ITPK1: variants seen among roughly 807,000 people sequenced by gnomAD.
ITPK1 encodes inositol-tetrakisphosphate 1-kinase.
ITPK1 carries 21 observed loss-of-function variants against 45.3 expected under a neutral mutation model. The observed-to-expected ratio is 0.46, with a 90% confidence interval of 0.33 to 0.67. The LOEUF is 0.67. ITPK1 is among the 30% of genes least tolerant of loss of function. The pLI is 0.02. For synonymous variants in ITPK1, 258 were observed against 253.6 expected, an observed-to-expected ratio of 1.02 and a Z score of -0.16; for missense variants, 474 against 573.5, an observed-to-expected ratio of 0.83 and a Z score of 1.77.
intron 5 of ITPK1, 32 bp downstream of exon 5, chr14:92,993,848 T>TA: frequency 7.1e-7 from 1 of 1,415,260 alleles, no homozygotes; most frequent in Non-Finnish European, 1.0e-6. Flanking sequence ...GGTGGCTGCC[T>TA]GCCACGGATG....
intron 5 of ITPK1, among the ~76,000 whole-genome samples, chr14:92,970,786 CCAT>C (rs1331064070): frequency 2.6e-5 from 4 of 152,160 alleles, no homozygotes; most frequent in African/African-American, 9.7e-5. Flanking sequence ...GTACCCACCA[CCAT>C]GTCTGGCTAA....
chr14:93,078,956 G>A (rs1037928828), intron 2 of ITPK1, among the ~76,000 whole-genome samples: 25 of 151,864 alleles, frequency 1.6e-4, no homozygotes, highest in African/African-American at 4.4e-4. Flanking sequence ...GGGAAAGGCC[G>A]GTGACAGAGG....
intron 4 of ITPK1, among the ~76,000 whole-genome samples, chr14:93,007,920 C>T (rs1215178910): frequency 4.6e-5 from 7 of 152,184 alleles, no homozygotes; most frequent in Non-Finnish European, 7.3e-5. Context: ...TTGGGGCCAT[C>T]AAAGAGGGGA....
chr14:92,962,141 C>T (rs1595090276), intron 7 of ITPK1, among the ~76,000 whole-genome samples: 1 of 152,338 alleles, frequency 6.6e-6, no homozygotes, highest in East Asian at 1.9e-4. Context: ...ACAGGACAGG[C>T]ATTGAGGTGA....
At chr14:93,055,412 T>C (rs367947403) in intron 3 of ITPK1, among the ~76,000 whole-genome samples, 116 of 152,200 alleles carry the variant, frequency 7.6e-4, no homozygotes, top group African/African-American at 2.7e-3. Context: ...CCTCAGCCCC[T>C]TACTCTCCTT....
chr14:93,068,509 A>C (rs1595185812), intron 3 of ITPK1: 1 of 152,292 alleles, frequency 6.6e-6, no homozygotes, highest in East Asian at 1.9e-4. Flanking sequence ...CCCCACAGCG[A>C]TTGTTATTCC....
At chr14:93,055,772 G>A (rs756736374) in intron 3 of ITPK1, among the ~76,000 whole-genome samples, 7 of 152,144 alleles carry the variant, frequency 4.6e-5, no homozygotes, top group African/African-American at 7.2e-5. Flanking sequence ...GGTGCCCAGC[G>A]GTCCCTACCA....
At chr14:93,054,569 T>C (rs1165037402) in intron 3 of ITPK1, among the ~76,000 whole-genome samples, 2 of 152,164 alleles carry the variant, frequency 1.3e-5, no homozygotes, top group African/African-American at 2.4e-5. Context: ...GTACAGAACA[T>C]GTACTCCCTT....
At chr14:93,091,489 C>T (rs1891865407) in intron 2 of ITPK1, among the ~76,000 whole-genome samples, 1 of 152,202 alleles carries the variant, frequency 6.6e-6, no homozygotes. Flanking sequence ...ATCTTCAGGG[C>T]CTTTGATATT....
At chr14:93,075,980 C>A (rs997057666) in intron 3 of ITPK1, among the ~76,000 whole-genome samples, 1 of 152,138 alleles carries the variant, frequency 6.6e-6, no homozygotes, top group Non-Finnish European at 1.5e-5. Flanking sequence ...ACAGCCTGCC[C>A]CTCACATAGA....
intron 3 of ITPK1, among the ~76,000 whole-genome samples, chr14:93,039,404 A>G (rs1419482035): frequency 6.6e-6 from 1 of 152,170 alleles, no homozygotes; most frequent in Non-Finnish European, 1.5e-5. Context: ...GCACTTTGGG[A>G]GGCCAAGGCA....
chr14:93,020,141 C>G (rs759221949), intron 3 of ITPK1, among the ~76,000 whole-genome samples: 3 of 152,174 alleles, frequency 2.0e-5, no homozygotes, highest in Non-Finnish European at 4.4e-5. Flanking sequence ...CACTGTTTCC[C>G]TCAGGGACGA....
At chr14:93,044,741 C>T (rs1889709338) in intron 3 of ITPK1, among the ~76,000 whole-genome samples, 1 of 152,342 alleles carries the variant, frequency 6.6e-6, no homozygotes, top group East Asian at 1.9e-4. Flanking sequence ...AGGGTGTGGC[C>T]TCTGTCTATG....
At chr14:92,981,518 C>T (rs753976665) in intron 5 of ITPK1, among the ~76,000 whole-genome samples, 3 of 152,176 alleles carry the variant, frequency 2.0e-5, no homozygotes, top group Admixed American at 6.5e-5. Flanking sequence ...CCTGTGGCCC[C>T]GAGCCCATGA....
In ITPK1 at chr14:92,939,880, G is replaced by C. The variant is rs776246008; in HGVS notation, c.*1681C>G. 41 of 985,738 alleles carry C rather than the reference G, an allele frequency of 4.2e-5. No individual in the cohort carries two copies. Among genetic ancestry groups the C allele is most frequent in the Non-Finnish European group, 1.6e-5 (13 of 829,950 alleles). The allele number at this position is 985,738 out of a possible 1,614,324, so 61.1% of individuals were successfully genotyped here. ...TGTGAAATGCGGTTTGATTTCAGTAGTTTATTTTGGAGACAAAGCAGTGCA... is the reference window on the plus strand; with the variant it reads ...TGTGAAATGCGGTTTGATTTCAGTACTTTATTTTGGAGACAAAGCAGTGCA... On this transcript the variant is annotated 3_prime_UTR_variant, in exon 11 of 11. Coordinates refer to ENST00000267615, the MANE Select transcript of ITPK1 (RefSeq NM_014216.6).
At chr14:93,038,521 GT>G (rs544351218) in intron 3 of ITPK1, among the ~76,000 whole-genome samples, 12 of 151,964 alleles carry the variant, frequency 7.9e-5, no homozygotes, top group Non-Finnish European at 1.6e-4. Flanking sequence ...ATATATGTGG[GT>G]TTTTGTTTGT....
At chr14:93,010,031 A>AGAGAT (rs1260465446) in intron 4 of ITPK1, among the ~76,000 whole-genome samples, 1 of 152,230 alleles carries the variant, frequency 6.6e-6, no homozygotes, top group East Asian at 1.9e-4. Context: ...CAAAGACATA[A>AGAGAT]GAGATGAGAA....
chr14:93,026,035 T>G (rs1195273200), intron 3 of ITPK1, among the ~76,000 whole-genome samples: 1 of 152,046 alleles, frequency 6.6e-6, no homozygotes, highest in African/African-American at 2.4e-5. Flanking sequence ...ACTCAGGAGG[T>G]TGAGGCAGGA....
chr14:93,014,992 A>G lies in ITPK1; in HGVS notation c.246+1684T>C, dbSNP rs1310711621. On this transcript the variant is annotated intron_variant, in intron 4 of 10. Transcript: ENST00000267615. The surrounding 1 kb of genome is among the most constrained non-coding windows in gnomAD (Gnocchi z 4.4). ...CATGGCTGTGCTCCTCCAGAGAATA[A>G]GCCCCAAGGGCACCACAGGCACATG... Among the ~76,000 whole-genome samples the G allele has an allele frequency of 6.6e-6, 1 of 152,224 alleles. No homozygotes were observed. The highest frequency in any genetic ancestry group is 2.4e-5 in the African/African-American group (1 of 41,466).
Sources: gnomAD v4.1 joint callset for allele counts (sites outside exome capture counted in the v4.1 genomes callset) on GRCh38, gnomAD v4.1.1 for gene constraint, Gnocchi (gnomAD v3.1) non-coding constraint, MANE v1.5 for transcripts, NCBI Gene and HGNC (gene_info 2026-07-23, HGNC 2026-07-21) for gene names.